The following ARFGEF3 variants were observed in gnomAD, a reference collection of about 807,000 sequenced individuals.
ARFGEF3 encodes brefeldin A-inhibited guanine nucleotide-exchange protein 3.
A neutral mutation model predicts 221.7 loss-of-function variants in ARFGEF3; 96 were observed. The observed-to-expected ratio is 0.43, with a 90% CI of 0.37 to 0.51. The LOEUF (loss-of-function observed/expected upper bound fraction) is 0.51. Ranked by LOEUF, ARFGEF3 falls within the 20% of genes least tolerant of loss-of-function variation. ARFGEF3 has a pLI of 0.00. For synonymous variants in ARFGEF3, 1,145 were observed against 1,126.8 expected, an observed-to-expected ratio of 1.02 and a Z score of -0.32; for missense variants, 2,410 against 2,789.9, an observed-to-expected ratio of 0.86 and a Z score of 3.07.
chr6:138,262,962 G>A lies in ARFGEF3; in HGVS notation c.1479G>A (p.Trp493Ter). The A allele has an allele frequency of 1.2e-6, 2 of 1,600,080 alleles. No individual in the cohort carries two copies. Among genetic ancestry groups the A allele is most frequent in the Non-Finnish European group, 8.5e-7 (1 of 1,173,342 alleles). Residue 493 changes from tryptophan (W) to a stop codon, truncating the protein, a stop_gained, in exon 12 of 34, where the codon TGG (tryptophan) becomes TGA (stop). Coordinates refer to ENST00000251691, the MANE Select transcript of ARFGEF3 (RefSeq NM_020340.5). LOFTEE classifies it high-confidence loss of function. ...RRVLSSEHTP[W>*]ESGNERSLDI... ...TGCTGTCCTCAGAACACACGCCGTG[G>A]GAGTCAGGGAACGAGAGGAGCCTTG...
In ARFGEF3 at chr6:138,323,718, G is replaced by A; in HGVS notation, c.4814G>A (p.Arg1605Lys). The change falls in exon 30 of 34, where the codon AGG (arginine) becomes AAG (lysine). Residue 1605 changes from arginine (R) to lysine (K), a missense_variant. Physicochemically the swap from Arg to Lys is conservative, Grantham distance 26. Around this residue, in one of 5 missense-constraint regions of ARFGEF3, gnomAD observed 723 missense variants for 991.9 expected, o/e 0.73. Transcript: ENST00000251691. Reference sequence around the variant, plus strand: ...CCTGTGTTCACTGAGGAGATGTGGAGGCTTGCCTGCTGTGCCCTGCAAGAT... The same window carrying A: ...CCTGTGTTCACTGAGGAGATGTGGAAGCTTGCCTGCTGTGCCCTGCAAGAT... ...AGPVFTEEMW[R>K]LACCALQDAF... 6 of 1,614,014 alleles carry A rather than the reference G, an allele frequency of 3.7e-6. No homozygotes were observed. The highest frequency in any genetic ancestry group is 5.1e-6 in the Non-Finnish European group (6 of 1,179,876).
intron 4 of ARFGEF3, among the ~76,000 whole-genome samples, chr6:138,228,672 C>T (rs4896337): frequency 0.2 from 30,166 of 152,150 alleles, 4,573 homozygotes; most frequent in African/African-American, 0.4. Context: ...TTCCTAGGGC[C>T]GGCCTAGCTG....
intron 14 of ARFGEF3, among the ~76,000 whole-genome samples, chr6:138,284,046 T>C (rs928992054): frequency 1.4e-4 from 22 of 152,220 alleles, no homozygotes; most frequent in Admixed American, 5.9e-4. Flanking sequence ...GGCTCACACC[T>C]GTAACCCCAG....
intron 12 of ARFGEF3, among the ~76,000 whole-genome samples, chr6:138,267,645 G>T (rs1778922437): frequency 6.6e-6 from 1 of 152,058 alleles, no homozygotes; most frequent in African/African-American, 2.4e-5. Context: ...TAAAATTTGA[G>T]GCTAAAGCAG....
At chr6:138,234,776 A>G (rs1778254897) in intron 5 of ARFGEF3, among the ~76,000 whole-genome samples, 1 of 152,064 alleles carries the variant, frequency 6.6e-6, no homozygotes, top group Admixed American at 6.6e-5. Flanking sequence ...ACTGTAAATT[A>G]TTTTTCATCC....
At position 138,280,079 on chromosome 6, in the gene ARFGEF3, G is replaced by A. The variant is rs1376452287; in HGVS notation, c.2376G>A (p.Gln792=). ...CCTGGATTGAGGAGCTCTACCATCA[G>A]GTGCTCGACAGGAACATGCTTGGAG... ...SQAWIEELYH[Q]VLDRNMLGEA... is the part of the protein sequence containing the mutation. The change falls in exon 14 of 34, where the codon CAG becomes CAA. Residue 792 remains glutamine (Q), a synonymous_variant. Coordinates refer to ENST00000251691, the MANE Select transcript of ARFGEF3 (RefSeq NM_020340.5). 2 of 1,613,938 alleles carry A rather than the reference G, an allele frequency of 1.2e-6. No individual in the cohort carries two copies. The highest frequency in any genetic ancestry group is 1.3e-5 in the African/African-American group (1 of 75,060).
intron 10 of ARFGEF3, among the ~76,000 whole-genome samples, chr6:138,260,320 C>A (rs1347440840): frequency 2.0e-5 from 3 of 152,320 alleles, no homozygotes; most frequent in African/African-American, 7.2e-5. Flanking sequence ...ATGTAATGGA[C>A]CTTTTCCTGC....
Position 138,336,591 on chromosome 6 carries a change from C to T in ARFGEF3, c.*105C>T. On this transcript the variant is annotated 3_prime_UTR_variant, in exon 34 of 34. Coordinates refer to ENST00000251691, the MANE Select transcript of ARFGEF3 (RefSeq NM_020340.5). ...ACCACTAGCCCCACTTAAACTACTA[C>T]TACTGTCTCAGAGAACAGTGTTTCC... 1.1e-6 allele frequency: 1 copy of T among 891,280 alleles called. No homozygotes were observed. Among genetic ancestry groups the T allele is most frequent in the African/African-American group, 1.7e-5 (1 of 58,848 alleles). 55.2% of individuals were successfully genotyped at this position (891,280 alleles called of 1,614,324 possible). A position where few individuals can be genotyped will look rare whatever the true frequency, so the allele number is the denominator to read the frequency against.
chr6:138,191,974 T>G (rs1777312467), intron 2 of ARFGEF3, among the ~76,000 whole-genome samples: 1 of 152,132 alleles, frequency 6.6e-6, no homozygotes, highest in African/African-American at 2.4e-5. Context: ...AGCACCATAA[T>G]CACAAGCATT....
At chr6:138,251,710 A>G (rs1778586738) in intron 8 of ARFGEF3, among the ~76,000 whole-genome samples, 1 of 151,630 alleles carries the variant, frequency 6.6e-6, no homozygotes, top group Admixed American at 6.6e-5. Flanking sequence ...ATTTTGTCAC[A>G]CCTTTTCCTC....
chr6:138,270,064 C>T (rs1043654932), intron 12 of ARFGEF3, among the ~76,000 whole-genome samples: 2 of 152,058 alleles, frequency 1.3e-5, no homozygotes, highest in Admixed American at 1.3e-4. Context: ...GCAAGGCTAG[C>T]AAAGGAGCCA....
At chr6:138,317,543 T>C (rs1006407327) in intron 27 of ARFGEF3, among the ~76,000 whole-genome samples, 164 bp downstream of exon 27, 1 of 152,270 alleles carries the variant, frequency 6.6e-6, no homozygotes, top group Non-Finnish European at 1.5e-5. Context: ...GTAGTGATGC[T>C]TAAGGTATGG....
At chr6:138,303,860 CAAAAAA>C (rs140349507) in intron 22 of ARFGEF3, among the ~76,000 whole-genome samples, 68 of 20,606 alleles carry the variant, frequency 3.3e-3, no homozygotes, top group African/African-American at 9.7e-3. Flanking sequence ...GACTCCGTCT[CAAAAAA>C]AAAAAAAAAA....
At chr6:138,315,935 A>G (rs1015407867) in intron 26 of ARFGEF3, among the ~76,000 whole-genome samples, 5 of 152,200 alleles carry the variant, frequency 3.3e-5, no homozygotes, top group South Asian at 2.1e-4. Flanking sequence ...CAATTAAAGT[A>G]TTGAAAGTTG....
chr6:138,175,975 G>C (rs563082753), intron 2 of ARFGEF3, among the ~76,000 whole-genome samples: 1 of 152,152 alleles, frequency 6.6e-6, no homozygotes, highest in South Asian at 2.1e-4. Flanking sequence ...TTGTTGAATT[G>C]ATCCCTTTAT....
chr6:138,218,498 A>G, intron 4 of ARFGEF3: 7 of 1,436,992 alleles, frequency 4.9e-6, no homozygotes, highest in Non-Finnish European at 6.4e-6. Flanking sequence ...GGTCCTAACC[A>G]TCAGCCATGA....
At chr6:138,183,842 G>A (rs1262395048) in intron 2 of ARFGEF3, among the ~76,000 whole-genome samples, 1 of 152,206 alleles carries the variant, frequency 6.6e-6, no homozygotes, top group Non-Finnish European at 1.5e-5. Context: ...TCCCCAGTGT[G>A]ACAGGTCTGA....
chr6:138,197,389 G>T (rs1777449833), intron 2 of ARFGEF3, among the ~76,000 whole-genome samples: 1 of 152,192 alleles, frequency 6.6e-6, no homozygotes, highest in Non-Finnish European at 1.5e-5. Flanking sequence ...TTTATAAGTA[G>T]AAGGAGTATG....
chr6:138,272,315 C>G (rs1047645983), intron 12 of ARFGEF3, among the ~76,000 whole-genome samples: 1 of 152,138 alleles, frequency 6.6e-6, no homozygotes. Context: ...GCCACCACGC[C>G]TGGCTAATTT....
Sources: gnomAD v4.1 joint callset for allele counts (sites outside exome capture counted in the v4.1 genomes callset) on GRCh38, gnomAD v4.1.1 for gene constraint, gnomAD v4.1.1 regional missense constraint, MANE v1.5 for transcripts, NCBI Gene and HGNC (gene_info 2026-07-23, HGNC 2026-07-21) for gene names.